The following GRK5 variants were observed in gnomAD, a reference collection of about 807,000 sequenced individuals.
GRK5 encodes the protein G protein-coupled receptor kinase 5.
Under a neutral mutation model 78.4 loss-of-function variants are expected in GRK5, and 40 were observed. That is an observed-to-expected ratio of 0.51 (90% CI 0.40 to 0.66). The LOEUF is 0.66. GRK5 is among the 30% of genes least tolerant of loss of function. The pLI, the probability that GRK5 is intolerant of heterozygous loss-of-function variation, is 0.00. For missense variants in GRK5, 598 were observed against 759.9 expected, an observed-to-expected ratio of 0.79 and a Z score of 2.50; for synonymous variants, 289 against 296.8, an observed-to-expected ratio of 0.97 and a Z score of 0.27.
chr10:119,268,938 GC>G (rs1247478367), intron 1 of GRK5, among the ~76,000 whole-genome samples: 1 of 152,204 alleles, frequency 6.6e-6, no homozygotes, highest in East Asian at 1.9e-4. Flanking sequence ...CAAAGGGGGT[GC>G]CCTCACCCTG....
At chr10:119,289,908 T>G (rs1281040973) in intron 1 of GRK5, among the ~76,000 whole-genome samples, 1 of 152,224 alleles carries the variant, frequency 6.6e-6, no homozygotes, top group African/African-American at 2.4e-5. Flanking sequence ...CTGTTTTAAA[T>G]GTATAGTATT....
intron 6 of GRK5, among the ~76,000 whole-genome samples, chr10:119,428,409 G>C (rs545760730): frequency 2.0e-5 from 3 of 152,346 alleles, no homozygotes; most frequent in South Asian, 2.1e-4. Context: ...ACCCCCAGAG[G>C]GGGGCATGCC....
intron 15 of GRK5, among the ~76,000 whole-genome samples, chr10:119,454,517 C>T (rs540356173): frequency 4.6e-5 from 7 of 152,202 alleles, no homozygotes; most frequent in African/African-American, 1.2e-4. Context: ...TGGGAACGAC[C>T]GCCCATCTCT....
At chr10:119,210,950 CATAAT>C (rs2133694655) in intron 1 of GRK5, among the ~76,000 whole-genome samples, 1 of 152,092 alleles carries the variant, frequency 6.6e-6, no homozygotes, top group South Asian at 2.1e-4. Flanking sequence ...CGTAATAAGA[CATAAT>C]ATAAAGTGGA....
chr10:119,344,930 C>CTTCCTTCCTTCT (rs1313368036), intron 2 of GRK5, among the ~76,000 whole-genome samples: 36 of 135,584 alleles, frequency 2.7e-4, no homozygotes, highest in African/African-American at 8.8e-4. Context: ...TCCTTCCTTC[C>CTTCCTTCCTTCT]TTCCTTTTCC....
chr10:119,351,607 C>G (rs117002011), intron 2 of GRK5, among the ~76,000 whole-genome samples: 1 of 152,100 alleles, frequency 6.6e-6, no homozygotes, highest in African/African-American at 2.4e-5. Flanking sequence ...TACCCAGTCT[C>G]GGGTATGTCT....
rs1038045130 is a variant in GRK5 at position 119,232,261 on chromosome 10, C to T, written c.52+24292C>T. On this transcript the variant is annotated intron_variant, in intron 1 of 15. Transcript: ENST00000392870. ...TAAATGCTATGTGTTCTCACTTATA[C>T]GTGGAAGCTAAAAAAAAGTTGATTC... 3.3e-5 allele frequency among the ~76,000 whole-genome samples: 5 copies of T among 151,904 alleles called. No individual in the cohort carries two copies. In the East Asian group the frequency reaches 5.8e-4, roughly 18 times the overall value.
chr10:119,381,329 A>T (rs142060972), intron 3 of GRK5, among the ~76,000 whole-genome samples: 14 of 152,272 alleles, frequency 9.2e-5, no homozygotes, highest in African/African-American at 3.4e-4. Flanking sequence ...ACAATTGTTT[A>T]TTGTCTGCTT....
chr10:119,246,252 C>A (rs1489389491), intron 1 of GRK5, among the ~76,000 whole-genome samples: 1 of 152,070 alleles, frequency 6.6e-6, no homozygotes, highest in African/African-American at 2.4e-5. Context: ...AAACTCTAAT[C>A]TCTGGATTAC....
chr10:119,375,805 C>A (rs1214350174), intron 2 of GRK5, among the ~76,000 whole-genome samples: 1 of 152,158 alleles, frequency 6.6e-6, no homozygotes, highest in Non-Finnish European at 1.5e-5. Context: ...ATGTCGTTTT[C>A]TTGAAGCCAG....
At chr10:119,322,201 T>C (rs1286413543) in intron 1 of GRK5, among the ~76,000 whole-genome samples, 2 of 152,170 alleles carry the variant, frequency 1.3e-5, no homozygotes, top group African/African-American at 4.8e-5. Context: ...AATCCCCCCA[T>C]CTTGGCCTCC....
intron 6 of GRK5, among the ~76,000 whole-genome samples, chr10:119,425,331 G>A (rs534663469): frequency 1.4e-5 from 2 of 147,202 alleles, no homozygotes; most frequent in South Asian, 2.1e-4. Flanking sequence ...ACAGCATCTC[G>A]TTCTTACTTT....
At chr10:119,317,320 A>G (rs1036816306) in intron 1 of GRK5, among the ~76,000 whole-genome samples, 9 of 151,392 alleles carry the variant, frequency 5.9e-5, no homozygotes, top group Non-Finnish European at 1.0e-4. Flanking sequence ...AAGGGTCACC[A>G]GAAGGCAAAG....
intron 1 of GRK5, among the ~76,000 whole-genome samples, chr10:119,233,236 G>A (rs1487628110): frequency 6.6e-6 from 1 of 152,166 alleles, no homozygotes; most frequent in African/African-American, 2.4e-5. Context: ...ATTTTTCTTG[G>A]GGGACCACTC....
At chr10:119,398,623 T>C (rs1191228463) in intron 4 of GRK5, among the ~76,000 whole-genome samples, 1 of 152,224 alleles carries the variant, frequency 6.6e-6, no homozygotes, top group Non-Finnish European at 1.5e-5. Flanking sequence ...TATTGAGGAC[T>C]CCTTGTGTCA....
intron 1 of GRK5, among the ~76,000 whole-genome samples, chr10:119,298,530 C>T (rs150150216): frequency 1.7e-4 from 26 of 152,294 alleles, no homozygotes; most frequent in Non-Finnish European, 3.4e-4. Flanking sequence ...TTAGCATTTT[C>T]GATAGGTTTT....
At chr10:119,218,074 T>TTG (rs59742803) in intron 1 of GRK5, among the ~76,000 whole-genome samples, 19,215 of 146,418 alleles carry the variant, frequency 0.13, 1,850 homozygotes, top group African/African-American at 0.28. Flanking sequence ...GTCAACCCGT[T>TTG]TGTGTGTGTG....
At chr10:119,313,865 C>G (rs576756120) in intron 1 of GRK5, among the ~76,000 whole-genome samples, 49 of 152,300 alleles carry the variant, frequency 3.2e-4, no homozygotes, top group African/African-American at 1.2e-3. Flanking sequence ...TGGGATCCCT[C>G]TGGTTGAGGC....
chr10:119,437,835 C>T lies in GRK5; in HGVS notation c.929+994C>T, dbSNP rs528132584. Among the ~76,000 whole-genome samples, 11 of 152,320 alleles carry T rather than the reference C, an allele frequency of 7.2e-5. No homozygotes were observed. In the East Asian group the frequency reaches 1.3e-3, roughly 19 times the overall value. Reference sequence around the variant, plus strand: ...TTCTCTGGCCGGTTGTGGTGGTTCACACCTGTAATCCCAGCACTTTGGGAG... The same window carrying T: ...TTCTCTGGCCGGTTGTGGTGGTTCATACCTGTAATCCCAGCACTTTGGGAG... On this transcript the variant is annotated intron_variant, in intron 9 of 15. Coordinates refer to ENST00000392870, the MANE Select transcript of GRK5 (RefSeq NM_005308.3).
Sources: gnomAD v4.1 joint callset for allele counts (sites outside exome capture counted in the v4.1 genomes callset) on GRCh38, gnomAD v4.1.1 for gene constraint, MANE v1.5 for transcripts, NCBI Gene and HGNC (gene_info 2026-07-23, HGNC 2026-07-21) for gene names.